The following ARMC8 variants were observed in gnomAD, a reference collection of about 807,000 sequenced individuals.
ARMC8 encodes the protein armadillo repeat-containing protein 8.
A neutral mutation model predicts 99.3 loss-of-function variants in ARMC8; 20 were observed. The ratio of observed to expected loss-of-function variants is 0.20; its 90% confidence interval spans 0.14 to 0.29. ARMC8 has a LOEUF of 0.29. ARMC8 is among the 10% of genes least tolerant of loss of function. The pLI, the probability that ARMC8 is intolerant of heterozygous loss-of-function variation, is 1.00. For missense variants in ARMC8, 569 were observed against 809.5 expected (o/e 0.70, Z 3.60); for synonymous variants, 263 against 278.3 (o/e 0.95, Z 0.55).
At chr3:138,215,479 G>A (rs1440850421) in intron 2 of ARMC8, among the ~76,000 whole-genome samples, 3 of 152,194 alleles carry the variant, frequency 2.0e-5, no homozygotes, top group Non-Finnish European at 4.4e-5. Flanking sequence ...GCCTCCCAAA[G>A]TGCTGGGATT....
At chr3:138,275,353 C>T (rs1163793546) in intron 18 of ARMC8, among the ~76,000 whole-genome samples, 1 of 151,978 alleles carries the variant, frequency 6.6e-6, no homozygotes, top group East Asian at 1.9e-4. Flanking sequence ...GTCAGGAGAT[C>T]GAGACCATCC....
At chr3:138,258,590 C>G (rs2108240946) in intron 12 of ARMC8, among the ~76,000 whole-genome samples, 1 of 152,328 alleles carries the variant, frequency 6.6e-6, no homozygotes, top group South Asian at 2.1e-4. Flanking sequence ...GAGTGCCCCT[C>G]TTTCCCACTG....
rs374457671 is a variant in ARMC8 at position 138,241,764 on chromosome 3, T to C, written c.838-19T>C. On this transcript the variant is annotated intron_variant, in intron 10 of 21. Transcript: ENST00000469044. Reference sequence around the variant, plus strand: ...TTACCTTTACCAAAAAGCAAATAATTAATCTCACTACCTTTCAGACATTAC... The same window carrying C: ...TTACCTTTACCAAAAAGCAAATAATCAATCTCACTACCTTTCAGACATTAC... The C allele has an allele frequency of 2.8e-5, 45 of 1,612,380 alleles. No homozygotes were observed. The highest frequency in any genetic ancestry group is 3.7e-5 in the Non-Finnish European group (44 of 1,178,926).
intron 12 of ARMC8, chr3:138,245,681 T>A: frequency 2.0e-6 from 2 of 993,062 alleles, no homozygotes; most frequent in Non-Finnish European, 2.4e-6. Flanking sequence ...TGTGGAATGA[T>A]GATTTTATGT....
intron 5 of ARMC8, among the ~76,000 whole-genome samples, chr3:138,225,662 C>T (rs1313123236): frequency 6.6e-6 from 1 of 152,124 alleles, no homozygotes; most frequent in Non-Finnish European, 1.5e-5. Context: ...ATGTAATGCC[C>T]TCTGGTTTCT....
intron 1 of ARMC8, among the ~76,000 whole-genome samples, chr3:138,192,426 C>T (rs1426912874): frequency 6.6e-5 from 10 of 150,844 alleles, no homozygotes; most frequent in Admixed American, 2.0e-4. Flanking sequence ...TACAGGTGCC[C>T]GCCACCACAC....
At chr3:138,226,812 C>A (rs2045721789) in intron 5 of ARMC8, among the ~76,000 whole-genome samples, 1 of 152,174 alleles carries the variant, frequency 6.6e-6, no homozygotes, top group African/African-American at 2.4e-5. Flanking sequence ...TTGGAAAATT[C>A]TGATCTATGC....
At chr3:138,249,864 C>G (rs1241142090) in intron 12 of ARMC8, among the ~76,000 whole-genome samples, 1 of 152,158 alleles carries the variant, frequency 6.6e-6, no homozygotes, top group Non-Finnish European at 1.5e-5. Context: ...TTGCTGAGGT[C>G]TCAGAGAAGT....
intron 2 of ARMC8, among the ~76,000 whole-genome samples, chr3:138,219,939 A>C (rs2108068828): frequency 6.6e-6 from 1 of 152,260 alleles, no homozygotes; most frequent in South Asian, 2.1e-4. Context: ...AATGTTAGGG[A>C]CCGCTCATTT....
At chr3:138,207,223 C>T (rs1474274441) in intron 1 of ARMC8, among the ~76,000 whole-genome samples, 1 of 152,162 alleles carries the variant, frequency 6.6e-6, no homozygotes, top group Non-Finnish European at 1.5e-5. Flanking sequence ...TCCCTGATTC[C>T]CCTGGTTTAC....
At chr3:138,233,298 A>C (rs2046154134) in intron 6 of ARMC8, among the ~76,000 whole-genome samples, 1 of 152,236 alleles carries the variant, frequency 6.6e-6, no homozygotes. Context: ...CAGTTATGAC[A>C]AAAACAGGTT....
intron 1 of ARMC8, among the ~76,000 whole-genome samples, chr3:138,194,293 G>A (rs1204843154): frequency 1.4e-5 from 2 of 140,312 alleles, no homozygotes; most frequent in Admixed American, 1.5e-4. Flanking sequence ...TCCGCCCGCC[G>A]CGGCCTCCCA....
At chr3:138,191,538 A>G (rs1279086338) in intron 1 of ARMC8, among the ~76,000 whole-genome samples, 3 of 152,120 alleles carry the variant, frequency 2.0e-5, no homozygotes, top group Admixed American at 1.3e-4. Context: ...CTGTTTCTGT[A>G]TCATTTTATC....
At chr3:138,187,976 G>T (rs2043165484) in intron 1 of ARMC8, 3 of 285,692 alleles carry the variant, frequency 1.1e-5, no homozygotes, top group Admixed American at 9.5e-5. Flanking sequence ...TGAAGCGCCG[G>T]GCTTGCAGCC....
intron 7 of ARMC8, 115 bp from the exon 8 acceptor site, chr3:138,237,194 T>A (rs2046377175): frequency 1.2e-6 from 1 of 840,048 alleles, no homozygotes; most frequent in Non-Finnish European, 1.9e-6. Flanking sequence ...CTTTGAGGCC[T>A]GTTAGTATTT....
intron 1 of ARMC8, among the ~76,000 whole-genome samples, chr3:138,200,369 AC>A (rs767127086): frequency 5.3e-5 from 8 of 151,208 alleles, no homozygotes; most frequent in Non-Finnish European, 1.2e-4. Context: ...TAAAGTTCCT[AC>A]CAGGACAAAA....
At chr3:138,215,258 C>T (rs1262409909) in intron 2 of ARMC8, among the ~76,000 whole-genome samples, 1 of 151,852 alleles carries the variant, frequency 6.6e-6, no homozygotes, top group Non-Finnish European at 1.5e-5. Flanking sequence ...ACTCTGTTGC[C>T]CAGACTGGAG....
At chr3:138,278,186 C>CT (rs2049492927) in intron 18 of ARMC8, among the ~76,000 whole-genome samples, 1 of 152,096 alleles carries the variant, frequency 6.6e-6, no homozygotes, top group Admixed American at 6.6e-5. Flanking sequence ...TAAATGCTGA[C>CT]TGTACTGGTG....
rs149623348 is a variant in ARMC8 at position 138,223,282 on chromosome 3, C to T, written c.195-107C>T. ...CAAATGACCATTGGATTCATATAAA[C>T]TCAGCCAACCATATTTTTAGTATGT... On this transcript the variant is annotated intron_variant, in intron 3 of 21. Transcript: ENST00000469044. 1.9e-4 allele frequency: 181 copies of T among 971,350 alleles called. 1 individual carries two copies. The African/African-American group carries it at 2.4e-3, about 13-fold the overall frequency. The allele number at this position is 971,350 out of a possible 1,614,324, so 60.2% of individuals were successfully genotyped here.
Sources: allele counts gnomAD v4.1 joint callset (sites outside exome capture counted in the v4.1 genomes callset), GRCh38; gene constraint gnomAD v4.1.1; transcripts MANE v1.5; gene names NCBI Gene and HGNC (gene_info 2026-07-23, HGNC 2026-07-21).